GALNT2: variants seen among roughly 807,000 people sequenced by gnomAD.
GALNT2 encodes the protein UDP-GalNAc:polypeptide N-acetylgalactosaminyltransferase 2.
Under a neutral mutation model 81.4 loss-of-function variants are expected in GALNT2, and 31 were observed. The ratio of observed to expected loss-of-function variants is 0.38; its 90% CI spans 0.29 to 0.51. The LOEUF (loss-of-function observed/expected upper bound fraction) is 0.51. GALNT2 is among the 20% of genes least tolerant of loss of function. The pLI, the probability that GALNT2 is intolerant of heterozygous loss-of-function variation, is 0.87. For missense variants in GALNT2, 629 were observed against 765.7 expected (o/e 0.82, Z 2.11); for synonymous variants, 303 against 287.4 (o/e 1.05, Z -0.55).
chr1:230,117,528 T>C (rs148279888), intron 1 of GALNT2, among the ~76,000 whole-genome samples: 13 of 152,338 alleles, frequency 8.5e-5, no homozygotes, highest in Admixed American at 3.9e-4. Context: ...AGGTTACCAA[T>C]TGGCCTAATT....
chr1:230,171,666 T>C (rs111678384), intron 1 of GALNT2, among the ~76,000 whole-genome samples: 40 of 152,370 alleles, frequency 2.6e-4, no homozygotes, highest in African/African-American at 9.4e-4. Context: ...ACAAATATGA[T>C]GTTCGCCATT....
At chr1:230,145,484 G>A (rs1235430237) in intron 1 of GALNT2, among the ~76,000 whole-genome samples, 2 of 152,218 alleles carry the variant, frequency 1.3e-5, no homozygotes, top group African/African-American at 4.8e-5. Flanking sequence ...TGTTTTTGTT[G>A]TTATCACATA....
At chr1:230,155,578 G>T (rs1662224962) in intron 1 of GALNT2, among the ~76,000 whole-genome samples, 1 of 152,226 alleles carries the variant, frequency 6.6e-6, no homozygotes, top group African/African-American at 2.4e-5. Context: ...CTCCTTTGGG[G>T]CTGGGAGGGA....
chr1:230,202,987 G>T (rs1663948528), intron 2 of GALNT2, 150 bp from the exon 3 acceptor site: 1 of 817,268 alleles, frequency 1.2e-6, no homozygotes, highest in Non-Finnish European at 1.9e-6. Context: ...ATGCTTGCTT[G>T]TGCTGTTTTC....
intron 2 of GALNT2, among the ~76,000 whole-genome samples, chr1:230,180,646 A>G (rs1246885717): frequency 1.3e-5 from 2 of 152,184 alleles, no homozygotes; most frequent in East Asian, 3.8e-4. Flanking sequence ...TAATATCCAC[A>G]AAACAACTTG....
At chr1:230,222,988 C>T (rs1337525426) in intron 3 of GALNT2, among the ~76,000 whole-genome samples, 1 of 152,174 alleles carries the variant, frequency 6.6e-6, no homozygotes, top group Non-Finnish European at 1.5e-5. Flanking sequence ...CATCTATACT[C>T]ATTTCCAAAT....
chr1:230,228,548 A>C (rs548715993), intron 3 of GALNT2, among the ~76,000 whole-genome samples: 18 of 151,960 alleles, frequency 1.2e-4, no homozygotes, highest in Admixed American at 1.1e-3. Flanking sequence ...GGGACAATGG[A>C]TTATCTACAC....
intron 2 of GALNT2, 127 bp downstream of exon 2, chr1:230,178,438 C>T (rs1663055983): frequency 6.2e-6 from 4 of 641,170 alleles, no homozygotes; most frequent in Non-Finnish European, 1.0e-5. Context: ...AGACACCGCC[C>T]TAAAGCACTG....
Position 230,234,122 on chromosome 1 carries a change from G to A in GALNT2, c.375-1892G>A, listed in dbSNP as rs190628824. On this transcript the variant is annotated intron_variant, in intron 3 of 15. Transcript: ENST00000366672. ...TCTCCAAGAGTGGGGTCTTGGTGTG[G>A]GCTTTTAGTTTCTTCTGCTATATGA... Among the ~76,000 whole-genome samples the A allele has an allele frequency of 2.5e-3, 377 of 152,236 alleles. 7 individuals carry two copies. The highest frequency in any genetic ancestry group is 4.4e-4 in the Non-Finnish European group (30 of 68,022).
chr1:230,236,442 A>G, intron 5 of GALNT2, 22 bp downstream of exon 5: 1 of 1,611,138 alleles, frequency 6.2e-7, no homozygotes, highest in Admixed American at 1.7e-5. Context: ...CACTGATTTT[A>G]TCCCTGTGTC....
chr1:230,112,412 C>T (rs1051583072), intron 1 of GALNT2, among the ~76,000 whole-genome samples: 3 of 151,114 alleles, frequency 2.0e-5, no homozygotes, highest in African/African-American at 7.3e-5. Context: ...AGAGTGTGTG[C>T]GTGGAGCATG....
intron 1 of GALNT2, among the ~76,000 whole-genome samples, chr1:230,121,397 T>C (rs1661011387): frequency 6.6e-6 from 1 of 152,230 alleles, no homozygotes; most frequent in Non-Finnish European, 1.5e-5. Flanking sequence ...TCTGTTGGCT[T>C]TCCTGCCCTC....
At chr1:230,177,031 G>A (rs1663002506) in intron 1 of GALNT2, among the ~76,000 whole-genome samples, 1 of 152,218 alleles carries the variant, frequency 6.6e-6, no homozygotes, top group Non-Finnish European at 1.5e-5. Context: ...AGAAGCAACG[G>A]AAGCAAAAGC....
rs1250833528 is a variant in GALNT2 at position 230,170,820 on chromosome 1, TCTTTC to T, written c.127-7393_127-7389del. Among the ~76,000 whole-genome samples the T allele has an allele frequency of 8.5e-5, 13 of 152,238 alleles. No individual in the cohort carries two copies. The South Asian group carries it at 2.5e-3, about 29-fold the overall frequency. ...TTTAAACAATCAAATCTGTGTGAAC[TCTTTC>T]CTTTACCATGGGGAGAGCACAAAGC... On this transcript the variant is annotated intron_variant, in intron 1 of 15. Transcript: ENST00000366672.
intron 15 of GALNT2, among the ~76,000 whole-genome samples, chr1:230,276,036 CGT>C (rs1491226312): frequency 3.4e-5 from 2 of 58,802 alleles, no homozygotes; most frequent in East Asian, 5.4e-4. Flanking sequence ...CATATATATA[CGT>C]ATATACATGC....
At chr1:230,186,345 C>A (rs184266930) in intron 2 of GALNT2, among the ~76,000 whole-genome samples, 3 of 152,288 alleles carry the variant, frequency 2.0e-5, no homozygotes, top group Admixed American at 2.0e-4. Flanking sequence ...TGGACGCATG[C>A]ATGCAGTCAA....
At chr1:230,146,062 T>C (rs1157224256) in intron 1 of GALNT2, among the ~76,000 whole-genome samples, 2 of 152,258 alleles carry the variant, frequency 1.3e-5, no homozygotes, top group African/African-American at 4.8e-5. Flanking sequence ...CTGCTTCTTA[T>C]TAATCTGTAG....
rs34559552 is a variant in GALNT2, at chr1:230,193,816, G to C, written c.221-9321G>C. 6.6e-6 allele frequency among the ~76,000 whole-genome samples: 1 copy of C among 152,178 alleles called. No individual in the cohort carries two copies. The highest frequency in any genetic ancestry group is 2.4e-5 in the African/African-American group (1 of 41,436). On this transcript the variant is annotated intron_variant, in intron 2 of 15. Coordinates refer to ENST00000366672, the MANE Select transcript of GALNT2 (RefSeq NM_004481.5). This position sits in a 1 kb window ranked among gnomAD's most constrained non-coding sequence, Gnocchi z 4.3. Reference sequence around the variant, plus strand: ...GAAATGGTGTCCTGAGTGGCACTTAGGAGCGCTGTCTGGCTGTGTCTCTGG... The same window carrying C: ...GAAATGGTGTCCTGAGTGGCACTTACGAGCGCTGTCTGGCTGTGTCTCTGG...
chr1:230,171,445 A>G (rs1416511523), intron 1 of GALNT2, among the ~76,000 whole-genome samples: 1 of 152,234 alleles, frequency 6.6e-6, no homozygotes, highest in Non-Finnish European at 1.5e-5. Flanking sequence ...CTGAAAAGTC[A>G]TCAAATAACA....
Sources: allele counts gnomAD v4.1 joint callset (sites outside exome capture counted in the v4.1 genomes callset), GRCh38; gene constraint gnomAD v4.1.1; non-coding constraint Gnocchi (gnomAD v3.1); transcripts MANE v1.5; gene names NCBI Gene and HGNC (gene_info 2026-07-23, HGNC 2026-07-21).